The following RASAL2 variants were observed in gnomAD, a reference collection of about 807,000 sequenced individuals.
RASAL2 encodes RAS protein activator like 2.
Under a neutral mutation model 128.9 loss-of-function variants are expected in RASAL2, and 58 were observed. The ratio of observed to expected loss-of-function variants is 0.45; its 90% CI spans 0.36 to 0.56. RASAL2 has a LOEUF of 0.56. Ranked by LOEUF, RASAL2 falls within the 20% of genes least tolerant of loss-of-function variation. RASAL2 has a pLI of 0.00. For missense variants in RASAL2, 1,360 were observed against 1,601.6 expected, an observed-to-expected ratio of 0.85 and a Z score of 2.57; for synonymous variants, 561 against 580.8, an observed-to-expected ratio of 0.97 and a Z score of 0.49.
At chr1:178,097,117 A>G (rs1310755732) in intron 1 of RASAL2, among the ~76,000 whole-genome samples, 1 of 152,208 alleles carries the variant, frequency 6.6e-6, no homozygotes, top group Non-Finnish European at 1.5e-5. Flanking sequence ...GTAGTCTAAC[A>G]TGTTTCAGGG....
At chr1:178,399,979 A>G (rs1673507636) in intron 4 of RASAL2, among the ~76,000 whole-genome samples, 1 of 152,176 alleles carries the variant, frequency 6.6e-6, no homozygotes, top group Non-Finnish European at 1.5e-5. Context: ...GAACAAGACT[A>G]GTTTCATACA....
chr1:178,380,577 G>GT (rs1672227620), intron 3 of RASAL2, among the ~76,000 whole-genome samples: 1 of 152,168 alleles, frequency 6.6e-6, no homozygotes, highest in Non-Finnish European at 1.5e-5. Context: ...TGTCTATTGA[G>GT]TGGGGGTAGG....
chr1:178,401,167 A>G (rs138888774), intron 4 of RASAL2, among the ~76,000 whole-genome samples: 76 of 152,368 alleles, frequency 5.0e-4, no homozygotes, highest in African/African-American at 1.3e-3. Flanking sequence ...AAACTGATTT[A>G]ATATATGGGT....
chr1:178,452,777 T>C (rs1677475790), intron 11 of RASAL2, 125 bp downstream of exon 11: 1 of 748,638 alleles, frequency 1.3e-6, no homozygotes, highest in Non-Finnish European at 2.2e-6. Context: ...TATTAATAAA[T>C]ATAGCAAAAA....
chr1:178,178,823 A>G (rs1295065860), intron 1 of RASAL2, among the ~76,000 whole-genome samples: 1 of 152,188 alleles, frequency 6.6e-6, no homozygotes, highest in African/African-American at 2.4e-5. Context: ...TTCTGTATTA[A>G]TTCTTTTCAT....
intron 3 of RASAL2, among the ~76,000 whole-genome samples, chr1:178,304,606 T>A (rs1428802795): frequency 6.6e-6 from 1 of 152,134 alleles, no homozygotes; most frequent in Non-Finnish European, 1.5e-5. Flanking sequence ...GTTTTAATGG[T>A]ATGTGGCAGC....
chr1:178,166,587 C>T (rs1036038602), intron 1 of RASAL2, among the ~76,000 whole-genome samples: 2 of 152,078 alleles, frequency 1.3e-5, no homozygotes, highest in African/African-American at 4.8e-5. Flanking sequence ...AACACTTCCT[C>T]AAAATACAAT....
At chr1:178,207,153 A>G (rs1486271905) in intron 1 of RASAL2, among the ~76,000 whole-genome samples, 1 of 76,778 alleles carries the variant, frequency 1.3e-5, no homozygotes, top group African/African-American at 7.7e-5. Context: ...CTTGTCTCAA[A>G]AAAAAAAAAA....
chr1:178,421,745 A>G (rs1675155404), intron 5 of RASAL2, among the ~76,000 whole-genome samples: 1 of 151,812 alleles, frequency 6.6e-6, no homozygotes, highest in Non-Finnish European at 1.5e-5. Context: ...TACTGTCTTT[A>G]TTTTGTAAAT....
At chr1:178,439,599 G>A in intron 6 of RASAL2, 24 bp downstream of exon 6, 1 of 1,603,632 alleles carries the variant, frequency 6.2e-7, no homozygotes, top group Non-Finnish European at 8.5e-7. Flanking sequence ...GTAGAAAAAA[G>A]GAAGAGTAGT....
intron 1 of RASAL2, among the ~76,000 whole-genome samples, chr1:178,250,387 G>A (rs1008441961): frequency 5.3e-5 from 8 of 152,164 alleles, no homozygotes; most frequent in Admixed American, 2.0e-4. Flanking sequence ...GGGGAAAACC[G>A]CCTACTCAAG....
intron 1 of RASAL2, among the ~76,000 whole-genome samples, chr1:178,215,186 A>C (rs1467110313): frequency 1.3e-5 from 2 of 152,188 alleles, no homozygotes; most frequent in Non-Finnish European, 2.9e-5. Flanking sequence ...GTGCTCACCA[A>C]ATCTGCTTTT....
In RASAL2 at chr1:178,386,947, G is replaced by A. The variant is rs1672610088; in HGVS notation, c.458-3153G>A. On this transcript the variant is annotated intron_variant, in intron 3 of 17. Transcript: ENST00000367649. Reference sequence around the variant, plus strand: ...TTTCCTTTCTGCTTACAGATTTAAAGTTAAAGGCACAAGTTTAATATGCTG... The same window carrying A: ...TTTCCTTTCTGCTTACAGATTTAAAATTAAAGGCACAAGTTTAATATGCTG... Among the ~76,000 whole-genome samples the A allele has an allele frequency of 2.6e-5, 4 of 152,202 alleles. No homozygotes were observed. The South Asian group carries it at 8.3e-4, about 31-fold the overall frequency.
At chr1:178,201,820 G>T (rs1330656884) in intron 1 of RASAL2, among the ~76,000 whole-genome samples, 1 of 152,114 alleles carries the variant, frequency 6.6e-6, no homozygotes, top group African/African-American at 2.4e-5. Context: ...CAGGTCAAGT[G>T]GACAGAAAAC....
chr1:178,346,327 A>G (rs540121813), intron 3 of RASAL2, among the ~76,000 whole-genome samples: 6 of 152,206 alleles, frequency 3.9e-5, no homozygotes, highest in African/African-American at 1.2e-4. Flanking sequence ...GCTTGAGCCC[A>G]GGAATCAAGA....
chr1:178,371,919 A>G (rs1671739509), intron 3 of RASAL2, among the ~76,000 whole-genome samples: 1 of 152,086 alleles, frequency 6.6e-6, no homozygotes, highest in South Asian at 2.1e-4. Context: ...GTCATTAAAC[A>G]CACTTCATTA....
chr1:178,376,768 T>C (rs1672009269), intron 3 of RASAL2, among the ~76,000 whole-genome samples: 1 of 152,140 alleles, frequency 6.6e-6, no homozygotes, highest in Non-Finnish European at 1.5e-5. Flanking sequence ...TTTGGCATCT[T>C]CCAGAATAGC....
At chr1:178,176,177 C>T (rs1461935139) in intron 1 of RASAL2, among the ~76,000 whole-genome samples, 2 of 152,136 alleles carry the variant, frequency 1.3e-5, no homozygotes, top group Non-Finnish European at 2.9e-5. Flanking sequence ...TTCCAACCAG[C>T]AGTGTATAAG....
chr1:178,287,240 A>T (rs1225994691), intron 2 of RASAL2, among the ~76,000 whole-genome samples: 1 of 151,650 alleles, frequency 6.6e-6, no homozygotes, highest in Non-Finnish European at 1.5e-5. Context: ...TACACATACC[A>T]TGCTGCCTGG....
Sources: gnomAD v4.1 joint callset for allele counts (sites outside exome capture counted in the v4.1 genomes callset) on GRCh38, gnomAD v4.1.1 for gene constraint, MANE v1.5 for transcripts, NCBI Gene and HGNC (gene_info 2026-07-23, HGNC 2026-07-21) for gene names.